The following NALCN variants were observed in gnomAD, a reference collection of about 807,000 sequenced individuals.
NALCN encodes sodium leak channel NALCN.
In NALCN, 111 loss-of-function variants were observed where a neutral mutation model predicts 225.3. The ratio of observed to expected loss-of-function variants is 0.49; its 90% CI spans 0.42 to 0.58. NALCN has a LOEUF of 0.58. Ranked by LOEUF, NALCN falls within the 20% of genes least tolerant of loss-of-function variation. The probability of loss-of-function intolerance (pLI) is 0.00; values close to 1 mark genes in which losing one functional copy is unlikely to be tolerated. For synonymous variants in NALCN, 764 were observed against 769.0 expected, an observed-to-expected ratio of 0.99 and a Z score of 0.11; for missense variants, 1,378 against 2,202.4, an observed-to-expected ratio of 0.63 and a Z score of 7.49.
chr13:101,209,417 G>T (rs575085496), intron 13 of NALCN, among the ~76,000 whole-genome samples: 4 of 152,132 alleles, frequency 2.6e-5, no homozygotes, highest in Non-Finnish European at 5.9e-5. Context: ...GTCACGCTTG[G>T]TCCGGGATTC....
intron 11 of NALCN, among the ~76,000 whole-genome samples, chr13:101,249,231 A>C (rs2041991007): frequency 6.6e-6 from 1 of 152,222 alleles, no homozygotes; most frequent in Non-Finnish European, 1.5e-5. Flanking sequence ...TGACTCTATA[A>C]ATAGCAAGCA....
At chr13:101,331,824 A>G (rs1477223235) in intron 7 of NALCN, among the ~76,000 whole-genome samples, 1 of 152,174 alleles carries the variant, frequency 6.6e-6, no homozygotes, top group Admixed American at 6.5e-5. Context: ...ATGAAGAAGC[A>G]TGAACAACAG....
At chr13:101,225,039 C>T (rs2041087486) in intron 13 of NALCN, among the ~76,000 whole-genome samples, 1 of 152,200 alleles carries the variant, frequency 6.6e-6, no homozygotes, top group Non-Finnish European at 1.5e-5. Flanking sequence ...TCCTGCCTAA[C>T]TTGCGCTGCC....
At chr13:101,274,096 CTATCAT>C (rs2042896908) in intron 10 of NALCN, among the ~76,000 whole-genome samples, 1 of 152,050 alleles carries the variant, frequency 6.6e-6, no homozygotes, top group Admixed American at 6.5e-5. Context: ...CAAAATAGCC[CTATCAT>C]CCGGAGAGCC....
At position 101,074,687 on chromosome 13, in the gene NALCN, GGAGACAGAGAGAGAGAGAGAGAGAGACA is replaced by G. The variant is rs747625650; in HGVS notation, c.3955-53_3955-26del. The G allele has an allele frequency of 6.0e-4, 948 of 1,578,666 alleles. 3 individuals are homozygous for G. The African/African-American group carries it at 9.5e-3, about 16-fold the overall frequency. ...CCTGGGGACCAGGGGTGGGAAGCGG[GGAGACAGAGAGAGAGAGAGAGAGAGACA>G]GAGACAGAGAGAGAGAGAGAGAGAG... On this transcript the variant is annotated intron_variant, in intron 35 of 43. Transcript: ENST00000251127.
chr13:101,337,250 C>T (rs1050606443), intron 7 of NALCN, among the ~76,000 whole-genome samples: 13 of 151,880 alleles, frequency 8.6e-5, no homozygotes, highest in South Asian at 2.1e-4. Context: ...TTGCAGTGGA[C>T]GTCACATTCC....
chr13:101,370,954 A>G (rs1424041302), intron 6 of NALCN, among the ~76,000 whole-genome samples: 1 of 152,160 alleles, frequency 6.6e-6, no homozygotes. Context: ...CTTTTCTATC[A>G]TTAAAGATAA....
At chr13:101,266,496 A>G (rs1441513070) in intron 10 of NALCN, among the ~76,000 whole-genome samples, 1 of 152,212 alleles carries the variant, frequency 6.6e-6, no homozygotes, top group Non-Finnish European at 1.5e-5. Context: ...TAGTGGTCTC[A>G]GAGGTTGCAA....
intron 13 of NALCN, among the ~76,000 whole-genome samples, chr13:101,198,098 A>T (rs1236715189): frequency 6.6e-6 from 1 of 152,136 alleles, no homozygotes; most frequent in Non-Finnish European, 1.5e-5. Context: ...AGAGGGTGAA[A>T]GCACAACAGG....
chr13:101,068,972 G>T (rs932963872), intron 37 of NALCN, 145 bp from the exon 38 acceptor site: 15 of 761,960 alleles, frequency 2.0e-5, no homozygotes, highest in Non-Finnish European at 2.7e-5. Context: ...CATACATTGG[G>T]TACATCATCT....
chr13:101,328,083 C>G (rs2045026205), intron 7 of NALCN, among the ~76,000 whole-genome samples: 1 of 152,154 alleles, frequency 6.6e-6, no homozygotes, highest in African/African-American at 2.4e-5. Context: ...TTTGCTGATC[C>G]CTGCTCTAGT....
At chr13:101,268,431 A>G (rs938422595) in intron 10 of NALCN, among the ~76,000 whole-genome samples, 1 of 152,180 alleles carries the variant, frequency 6.6e-6, no homozygotes, top group Non-Finnish European at 1.5e-5. Flanking sequence ...GCTGTAGGGT[A>G]TTTGAAAACT....
chr13:101,280,895 T>A (rs1381891597), intron 10 of NALCN, among the ~76,000 whole-genome samples: 1 of 151,320 alleles, frequency 6.6e-6, no homozygotes, highest in Non-Finnish European at 1.5e-5. Flanking sequence ...TTTTTTTTTT[T>A]TTTGAGACAG....
At chr13:101,185,174 C>T (rs761736193) in intron 14 of NALCN, among the ~76,000 whole-genome samples, 2 of 152,106 alleles carry the variant, frequency 1.3e-5, no homozygotes, top group Middle Eastern at 3.2e-3. Flanking sequence ...ATGTAATCAG[C>T]GCAGTGTAAA....
chr13:101,083,523 G>A (rs1452602877), intron 31 of NALCN, among the ~76,000 whole-genome samples, 188 bp downstream of exon 31: 1 of 152,166 alleles, frequency 6.6e-6, no homozygotes, highest in African/African-American at 2.4e-5. Context: ...GAGCACTGAA[G>A]CACAGCCTTT....
intron 7 of NALCN, among the ~76,000 whole-genome samples, chr13:101,313,364 G>T (rs1297771298): frequency 1.3e-5 from 2 of 152,136 alleles, no homozygotes; most frequent in Non-Finnish European, 2.9e-5. Context: ...CTTCTGCACA[G>T]CAAAAGAAAC....
intron 9 of NALCN, 142 bp from the exon 10 acceptor site, chr13:101,284,161 A>G (rs1360359874): frequency 1.6e-6 from 1 of 642,442 alleles, no homozygotes; most frequent in Non-Finnish European, 2.6e-6. Context: ...CATTTCAATT[A>G]TAGTTCTTTA....
At chr13:101,284,077 C>T (rs2043258141) in intron 9 of NALCN, 58 bp from the exon 10 acceptor site, 1 of 1,419,040 alleles carries the variant, frequency 7.0e-7, no homozygotes, top group African/African-American at 1.4e-5. Flanking sequence ...ATTGAGAACT[C>T]TATGTCTCCA....
intron 18 of NALCN, among the ~76,000 whole-genome samples, chr13:101,120,449 C>T (rs943564760): frequency 2.0e-5 from 3 of 151,552 alleles, no homozygotes; most frequent in Non-Finnish European, 2.9e-5. Flanking sequence ...TCAAGCTAGT[C>T]ACCTACAAAT....
Sources: gnomAD v4.1 joint callset for allele counts (sites outside exome capture counted in the v4.1 genomes callset) on GRCh38, gnomAD v4.1.1 for gene constraint, MANE v1.5 for transcripts, NCBI Gene and HGNC (gene_info 2026-07-23, HGNC 2026-07-21) for gene names.